STAR: variants seen among roughly 807,000 people sequenced by gnomAD.
STAR encodes the protein steroidogenic acute regulatory protein.
A neutral mutation model predicts 32.3 loss-of-function variants in STAR; 32 were observed. The ratio of observed to expected loss-of-function variants is 0.99; its 90% CI spans 0.75 to 1.33. The LOEUF (loss-of-function observed/expected upper bound fraction) is 1.33, where lower values mean the gene tolerates loss of function less well. Among genes scored for constraint, STAR ranks in the 40% most tolerant of loss-of-function variants. The probability of loss-of-function intolerance (pLI) is 0.00; values close to 1 mark genes in which losing one functional copy is unlikely to be tolerated. For missense variants in STAR, 375 were observed against 379.0 expected (o/e 0.99, Z 0.09); for synonymous variants, 134 against 140.5 (o/e 0.95, Z 0.33).
chr8:38,144,636 T>G, intron 6 of STAR: 1 of 1,317,626 alleles, frequency 7.6e-7, no homozygotes, highest in South Asian at 1.5e-5. Flanking sequence ...GAACCAGTTA[T>G]GTTGCCTTTT....
intron 3 of STAR, among the ~76,000 whole-genome samples, chr8:38,147,603 G>C (rs1802595653): frequency 1.3e-5 from 2 of 152,224 alleles, no homozygotes; most frequent in Admixed American, 6.5e-5. Flanking sequence ...AGAACTTAGG[G>C]AAGGAAGGGT....
intron 3 of STAR, among the ~76,000 whole-genome samples, chr8:38,146,805 T>G (rs1174282355): frequency 6.7e-6 from 1 of 150,004 alleles, no homozygotes; most frequent in Admixed American, 6.6e-5. Context: ...ATATTCTTAG[T>G]CTAGGTCCCA....
chr8:38,148,649 G>A lies in STAR; in HGVS notation c.170C>T (p.Ser57Phe). 6.2e-7 allele frequency: 1 copy of A among 1,614,090 alleles called. No individual in the cohort carries two copies. The highest frequency in any genetic ancestry group is 8.5e-7 in the Non-Finnish European group (1 of 1,180,020). ...GAAGCCTCAGCACTTACCGAGTAGA[G>A]AGCTCCGCCGCCGAACCTGGTTAAT... ...TWINQVRRRS[S>F]LLGSRLEETL... The change falls in exon 2 of 7, where the codon TCT becomes TTT. Residue 57 changes from serine (S) to phenylalanine (F), a missense_variant. Ser to Phe is a radical substitution (Grantham distance 155). Transcript: ENST00000276449.
Position 38,148,469 on chromosome 8 carries a change from C to A in STAR, c.179-142G>T, listed in dbSNP as rs577432189. 9 of 1,438,890 alleles carry A rather than the reference C, an allele frequency of 6.3e-6. No homozygotes were observed. The East Asian group carries it at 1.9e-4, about 31-fold the overall frequency. 89.1% of individuals were successfully genotyped at this position (1,438,890 alleles called of 1,614,324 possible). A position where few individuals can be genotyped will look rare whatever the true frequency, so the allele number is the denominator to read the frequency against. On this transcript the variant is annotated intron_variant, in intron 2 of 6. Transcript: ENST00000276449. ...GGGCCAGCCTGCTGGTCGAGTTAAT[C>A]ACAGCCGCCCCAGGTGACCAGAGAG...
At chr8:38,148,581 A>T (rs1248439060) in intron 2 of STAR, 60 bp downstream of exon 2, 3 of 1,522,226 alleles carry the variant, frequency 2.0e-6, no homozygotes, top group Admixed American at 3.3e-5. Flanking sequence ...CATGCACCAC[A>T]TCACCCTCCA....
Position 38,143,305 on chromosome 8 carries a change from ATTT to A in STAR, c.*965_*967del, listed in dbSNP as rs11326306. ...GTGAAGTTGTAATCTACTAGCATAG[ATTT>A]TTTTTTTTTTTTTTTTGAGATGGAG... On this transcript the variant is annotated 3_prime_UTR_variant, in exon 7 of 7. Coordinates refer to ENST00000276449, the MANE Select transcript of STAR (RefSeq NM_000349.3). 2.1e-4 allele frequency among the ~76,000 whole-genome samples: 22 copies of A among 107,220 alleles called. No individual in the cohort carries two copies. The highest frequency in any genetic ancestry group is 2.5e-4 in the East Asian group (1 of 3,956). The allele number at this position is 107,220 out of a possible 152,430, so 70.3% of individuals were successfully genotyped here. A position where few individuals can be genotyped will look rare whatever the true frequency, so the allele number is the denominator to read the frequency against.
At position 38,145,301 on chromosome 8, in the gene STAR, G is replaced by A; in HGVS notation, c.665C>T (p.Pro222Leu). The change falls in exon 6 of 7, where the codon CCC (proline) becomes CTC (leucine). Residue 222 changes from proline (P) to leucine (L), a missense_variant. By Grantham distance (98) the Pro-to-Leu change is moderately conservative. Coordinates refer to ENST00000276449, the MANE Select transcript of STAR (RefSeq NM_000349.3). Reference protein sequence around the residue: ...QKGVIRAEHGPTCMVLHPLAG... With the variant: ...QKGVIRAEHGLTCMVLHPLAG... ...CAACGGGTGAAGCACCATGCAAGTG[G>A]GACCGTGCTCCGCCCTGGCAAATGG... 6.2e-7 allele frequency: 1 copy of A among 1,614,154 alleles called. No individual in the cohort carries two copies. The highest frequency in any genetic ancestry group is 8.5e-7 in the Non-Finnish European group (1 of 1,180,034).
Position 38,148,344 on chromosome 8 carries a change from G to T in STAR, c.179-17C>A, listed in dbSNP as rs758998184. The T allele has an allele frequency of 2.5e-6, 4 of 1,613,800 alleles. No homozygotes were observed. Among genetic ancestry groups the T allele is most frequent in the Non-Finnish European group, 3.4e-6 (4 of 1,179,938 alleles). On this transcript the variant is annotated splice_polypyrimidine_tract_variant and intron_variant, in intron 2 of 6. Coordinates refer to ENST00000276449, the MANE Select transcript of STAR (RefSeq NM_000349.3). The stretch of plus-strand genomic sequence containing the variant: ...GCCGAGAACCTGGATACACAGCCGA[G>T]GAGAGACAGAGCTTCCTTCTTCTCC...
At chr8:38,150,448 G>A (rs990486706) in intron 1 of STAR, among the ~76,000 whole-genome samples, 4 of 150,534 alleles carry the variant, frequency 2.7e-5, no homozygotes, top group African/African-American at 9.8e-5. Flanking sequence ...AAGGAAAAGG[G>A]GAAGGAAGAA....
At position 38,145,857 on chromosome 8, in the gene STAR, A is replaced by G; in HGVS notation, c.650+106T>C. 3 of 1,411,216 alleles carry G rather than the reference A, an allele frequency of 2.1e-6. No individual in the cohort carries two copies. The South Asian group carries it at 3.5e-5, about 16-fold the overall frequency. The allele number at this position is 1,411,216 out of a possible 1,614,324, so 87.4% of individuals were successfully genotyped here. A position where few individuals can be genotyped will look rare whatever the true frequency, so the allele number is the denominator to read the frequency against. On this transcript the variant is annotated intron_variant, in intron 5 of 6. Transcript: ENST00000276449. ...TTTTGTAGAAGGAAGCCATGGGTGCACCAAGGGTTGGTTTCTTGGAGCTGG... is the reference window on the plus strand; with the variant it reads ...TTTTGTAGAAGGAAGCCATGGGTGCGCCAAGGGTTGGTTTCTTGGAGCTGG...
intron 1 of STAR, among the ~76,000 whole-genome samples, chr8:38,149,456 C>T (rs910372465): frequency 1.2e-4 from 19 of 152,172 alleles, no homozygotes; most frequent in African/African-American, 3.6e-4. Flanking sequence ...AAAGTGGCCT[C>T]TTGTAGCTGG....
chr8:38,149,861 T>C (rs1802637819), intron 1 of STAR, among the ~76,000 whole-genome samples: 1 of 152,130 alleles, frequency 6.6e-6, no homozygotes, highest in South Asian at 2.1e-4. Flanking sequence ...CTGAGCGCCA[T>C]GGCTCATGCC....
intron 6 of STAR, chr8:38,144,771 C>T: frequency 1.5e-6 from 1 of 666,602 alleles, no homozygotes; most frequent in Non-Finnish European, 2.1e-6. Context: ...AATCCCAGCA[C>T]TTTTGGAGGC....
rs377244591 is a variant in STAR at position 38,145,687 on chromosome 8, C to G, written c.650+276G>C. Reference sequence around the variant, plus strand: ...AGTCTACATTACAGCTGTTCCTGAGCGTACCAGGTGAACCTCAGCCCTGCC... The same window carrying G: ...AGTCTACATTACAGCTGTTCCTGAGGGTACCAGGTGAACCTCAGCCCTGCC... On this transcript the variant is annotated intron_variant, in intron 5 of 6. Coordinates refer to ENST00000276449, the MANE Select transcript of STAR (RefSeq NM_000349.3). 3 of 574,240 alleles carry G rather than the reference C, an allele frequency of 5.2e-6. No individual in the cohort carries two copies. In the African/African-American group the frequency reaches 5.6e-5, roughly 11 times the overall value. The allele number at this position is 574,240 out of a possible 1,614,324, so 35.6% of individuals were successfully genotyped here.
intron 6 of STAR, chr8:38,144,944 G>A: frequency 4.2e-6 from 5 of 1,180,674 alleles, no homozygotes; most frequent in Non-Finnish European, 4.4e-6. Flanking sequence ...GGGAGGCGGA[G>A]GTTACGGTGA....
chr8:38,150,581 T>A (rs935479473), intron 1 of STAR, among the ~76,000 whole-genome samples, 174 bp downstream of exon 1: 23 of 151,954 alleles, frequency 1.5e-4, no homozygotes, highest in African/African-American at 5.6e-4. Flanking sequence ...CTGGAAGGGA[T>A]ATATCTTAGT....
chr8:38,144,696 C>CT, intron 6 of STAR: 1 of 1,162,988 alleles, frequency 8.6e-7, no homozygotes, highest in African/African-American at 1.6e-5. Context: ...AAAATGATAA[C>CT]TACATATAAG....
At chr8:38,144,562 C>T (rs934976224) in intron 6 of STAR, 176 bp from the exon 7 acceptor site, 3 of 1,458,116 alleles carry the variant, frequency 2.1e-6, no homozygotes, top group Non-Finnish European at 2.7e-6. Context: ...GCTGTCATGA[C>T]TTTCAGAAGC....
At position 38,148,240 on chromosome 8, in the gene STAR, A is replaced by T; in HGVS notation, c.266T>A (p.Ile89Asn). 3 of 1,613,992 alleles carry T rather than the reference A, an allele frequency of 1.9e-6. No homozygotes were observed. The highest frequency in any genetic ancestry group is 1.7e-6 in the Non-Finnish European group (2 of 1,179,972). ...CTTCCAGCCCTCTTGGTTGCTAAGG[A>T]TGCCCAAGGCCTTCTGCATGGCCTC... ...GEEAMQKALG[I>N]LSNQEGWKKE... Residue 89 changes from isoleucine to asparagine, a missense_variant, in exon 3 of 7, where the codon ATC becomes AAC. Ile to Asn is a moderately radical substitution (Grantham distance 149). Coordinates refer to ENST00000276449, the MANE Select transcript of STAR (RefSeq NM_000349.3).
Sources: gnomAD v4.1 joint callset for allele counts (sites outside exome capture counted in the v4.1 genomes callset) on GRCh38, gnomAD v4.1.1 for gene constraint, MANE v1.5 for transcripts, NCBI Gene and HGNC (gene_info 2026-07-23, HGNC 2026-07-21) for gene names.